The following KLRG1 variants were observed in gnomAD, a reference collection of about 807,000 sequenced individuals.
KLRG1 encodes the protein killer cell lectin like receptor G1, also known as killer cell lectin-like receptor subfamily G member 1.
In KLRG1, 16 loss-of-function variants were observed where a neutral mutation model predicts 21.8. That is an observed-to-expected ratio of 0.73 (90% CI 0.50 to 1.11). KLRG1 has a LOEUF of 1.11. KLRG1 is among the 50% of genes most tolerant of loss of function. The probability of loss-of-function intolerance (pLI) is 0.00; values close to 1 mark genes in which losing one functional copy is unlikely to be tolerated. For missense variants in KLRG1, 173 were observed against 218.3 expected, an observed-to-expected ratio of 0.79 and a Z score of 1.31; for synonymous variants, 69 against 75.9, an observed-to-expected ratio of 0.91 and a Z score of 0.47.
At chr12:9,099,642 T>C in the KLRG1 span, 1 of 1,245,988 alleles carries the variant, frequency 8.0e-7, no homozygotes, top group Non-Finnish European at 1.1e-6. Flanking sequence ...CTAAGGACTC[T>C]AGCTTTAGAA....
chr12:9,014,560 A>G (rs1341272225), downstream of KLRG1, among the ~76,000 whole-genome samples: 1 of 152,126 alleles, frequency 6.6e-6, no homozygotes, highest in Admixed American at 6.6e-5. Flanking sequence ...AAACAAACAA[A>G]AGCAGAAGGA....
chr12:9,111,625 G>C, the KLRG1 span: 1 of 426,456 alleles, frequency 2.3e-6, no homozygotes, highest in Non-Finnish European at 4.6e-6. Flanking sequence ...TAGAAGAGAA[G>C]AGTTGCCTCT....
At chr12:9,176,310 G>T in the KLRG1 span, among the ~76,000 whole-genome samples, 1 of 152,144 alleles carries the variant, frequency 6.6e-6, no homozygotes. Context: ...GGTAGGGTGT[G>T]GGGAGGGAGA....
the KLRG1 span, chr12:9,113,569 G>C: frequency 6.2e-7 from 1 of 1,601,374 alleles, no homozygotes; most frequent in Non-Finnish European, 8.5e-7. Context: ...TTCAGTTAGA[G>C]GAAAGTGAAG....
chr12:9,142,602 G>A, the KLRG1 span, among the ~76,000 whole-genome samples: 2 of 152,110 alleles, frequency 1.3e-5, no homozygotes, highest in African/African-American at 4.8e-5. Flanking sequence ...GTCAATTAGA[G>A]CTTTTTAAAT....
chr12:9,092,888 A>G, the KLRG1 span, among the ~76,000 whole-genome samples: 1 of 152,220 alleles, frequency 6.6e-6, no homozygotes, highest in Non-Finnish European at 1.5e-5. Flanking sequence ...TGGATAAATA[A>G]ATTGTGGCTA....
chr12:9,064,440 G>A, the KLRG1 span: 1 of 154,576 alleles, frequency 6.5e-6, no homozygotes, highest in Non-Finnish European at 1.5e-5. The surrounding 1 kb of genome is among the most constrained non-coding windows in gnomAD (Gnocchi z 4.0). Context: ...CCCCAAAGCA[G>A]CCGACTGCGC....
chr12:9,108,420 C>T, the KLRG1 span, among the ~76,000 whole-genome samples: 5 of 152,158 alleles, frequency 3.3e-5, no homozygotes, highest in East Asian at 1.9e-4. Context: ...GCCACCACGC[C>T]GGGCCTGTTT....
chr12:9,212,935 A>G, the KLRG1 span, among the ~76,000 whole-genome samples: 1 of 152,174 alleles, frequency 6.6e-6, no homozygotes, highest in Admixed American at 6.5e-5. Context: ...AACTACATAC[A>G]TGTTAGTAGT....
At chr12:9,058,153 T>C in the KLRG1 span, 4 of 152,222 alleles carry the variant, frequency 2.6e-5, no homozygotes, top group Non-Finnish European at 5.9e-5. Context: ...AATTACACTG[T>C]GATACGACTG....
the KLRG1 span, chr12:9,110,143 G>A: frequency 8.0e-7 from 1 of 1,246,346 alleles, no homozygotes; most frequent in Middle Eastern, 2.1e-4. Context: ...AAATGGGGTA[G>A]TAGTAAAGGG....
At chr12:9,110,167 T>C in the KLRG1 span, 15 of 1,143,120 alleles carry the variant, frequency 1.3e-5, no homozygotes, top group Admixed American at 2.4e-5. Context: ...GTAGAGGAGA[T>C]GAGTTATAGC....
the KLRG1 span, among the ~76,000 whole-genome samples, chr12:9,156,770 A>C: frequency 1.3e-5 from 2 of 152,330 alleles, no homozygotes; most frequent in Admixed American, 6.5e-5. Flanking sequence ...AAGGAATTAC[A>C]GATGAAGCTT....
chr12:9,089,664 C>T, the KLRG1 span, among the ~76,000 whole-genome samples: 1 of 152,038 alleles, frequency 6.6e-6, no homozygotes, highest in African/African-American at 2.4e-5. Context: ...TTGCTTGAAC[C>T]CAGGAGGCGG....
At chr12:9,164,449 T>G in the KLRG1 span, among the ~76,000 whole-genome samples, 1 of 152,234 alleles carries the variant, frequency 6.6e-6, no homozygotes, top group Non-Finnish European at 1.5e-5. Context: ...GGTTGTGTAT[T>G]AGGAGGATTT....
the KLRG1 span, among the ~76,000 whole-genome samples, chr12:9,053,213 G>A: frequency 3.3e-5 from 5 of 151,784 alleles, no homozygotes; most frequent in Admixed American, 6.6e-5. Context: ...GCGACGGGGT[G>A]TCCTGTGCAG....
chr12:9,195,943 G>A, the KLRG1 span, among the ~76,000 whole-genome samples: 22 of 151,834 alleles, frequency 1.4e-4, no homozygotes, highest in African/African-American at 5.3e-4. Flanking sequence ...ATTTATGTCA[G>A]AAGAGATCAA....
chr12:9,068,326 G>A, the KLRG1 span: 2 of 1,203,144 alleles, frequency 1.7e-6, no homozygotes, highest in African/African-American at 3.0e-5. Context: ...TTTGTTGTGG[G>A]AAGAACAGTA....
chr12:9,023,426 A>T, the KLRG1 span, among the ~76,000 whole-genome samples: 1 of 152,070 alleles, frequency 6.6e-6, no homozygotes, highest in Non-Finnish European at 1.5e-5. Flanking sequence ...ATTATAGCTT[A>T]TTCTTTTTGT....
Sources: gnomAD v4.1 joint callset for allele counts (sites outside exome capture counted in the v4.1 genomes callset) on GRCh38, gnomAD v4.1.1 for gene constraint, Gnocchi (gnomAD v3.1) non-coding constraint, MANE v1.5 for transcripts, NCBI Gene and HGNC (gene_info 2026-07-23, HGNC 2026-07-21) for gene names.